CNTN3: variants seen among roughly 807,000 people sequenced by gnomAD.
CNTN3 encodes the protein contactin-3.
CNTN3 carries 60 observed loss-of-function variants against 119.1 expected under a neutral mutation model. The observed-to-expected ratio is 0.50, with a 90% CI of 0.41 to 0.62. The LOEUF is 0.62. Among genes scored for constraint, CNTN3 ranks in the 20% least tolerant of loss-of-function variants. The probability of loss-of-function intolerance (pLI) is 0.00; values close to 1 mark genes in which losing one functional copy is unlikely to be tolerated. For synonymous variants in CNTN3, 450 were observed against 438.7 expected (o/e 1.03, Z -0.32); for missense variants, 1,101 against 1,242.4 (o/e 0.89, Z 1.71).
At chr3:74,556,432 T>A (rs1353870706) in intron 1 of CNTN3, among the ~76,000 whole-genome samples, 1 of 152,212 alleles carries the variant, frequency 6.6e-6, no homozygotes. Context: ...CTTCTCTCAC[T>A]TAGCATAGTA....
intron 11 of CNTN3, among the ~76,000 whole-genome samples, chr3:74,341,457 T>A (rs2106725118): frequency 6.6e-6 from 1 of 152,316 alleles, no homozygotes; most frequent in Non-Finnish European, 1.5e-5. Flanking sequence ...GAAATTAACA[T>A]TCAGTGCTCC....
intron 3 of CNTN3, among the ~76,000 whole-genome samples, chr3:74,495,152 T>G (rs1344601349): frequency 5.3e-5 from 8 of 152,020 alleles, no homozygotes; most frequent in Non-Finnish European, 1.5e-5. Flanking sequence ...GAAGCCAGGA[T>G]GTGGAAAGGA....
intron 3 of CNTN3, among the ~76,000 whole-genome samples, chr3:74,491,935 G>A (rs1464439314): frequency 2.0e-5 from 3 of 152,106 alleles, no homozygotes; most frequent in African/African-American, 7.2e-5. Flanking sequence ...GCAGTGATCT[G>A]GAACAAAAGA....
chr3:74,284,948 T>C (rs1437022446), intron 20 of CNTN3, among the ~76,000 whole-genome samples: 1 of 152,202 alleles, frequency 6.6e-6, no homozygotes, highest in Non-Finnish European at 1.5e-5. Flanking sequence ...TCGGCATTAA[T>C]TTTAACTTAT....
chr3:74,344,397 G>GTTTTTTTTTT lies in CNTN3; in HGVS notation c.1365-7749_1365-7740dup, dbSNP rs1156579949. On this transcript the variant is annotated intron_variant, in intron 11 of 22. Transcript: ENST00000263665. ...AGTTCATTTACAACCTTACACAGTGGTTTTTTTTTTTTTTTTTTTTTTTTT... is the reference window on the plus strand; with the variant it reads ...AGTTCATTTACAACCTTACACAGTGGTTTTTTTTTTTTTTTTTTTTTTTTTTTTTTTTTTT... Among the ~76,000 whole-genome samples the GTTTTTTTTTT allele has an allele frequency of 7.7e-4, 25 of 32,616 alleles. 5 individuals are homozygous for GTTTTTTTTTT. The highest frequency in any genetic ancestry group is 2.3e-3 in the East Asian group (2 of 854). 21.4% of individuals were successfully genotyped at this position (32,616 alleles called of 152,430 possible).
intron 10 of CNTN3, 131 bp from the exon 11 acceptor site, chr3:74,362,171 T>A: frequency 1.1e-6 from 1 of 884,946 alleles, no homozygotes; most frequent in Non-Finnish European, 1.7e-6. Flanking sequence ...TTACTTGGCT[T>A]ATTGTGTGCC....
chr3:74,449,413 T>G, intron 4 of CNTN3, among the ~76,000 whole-genome samples: 1 of 150,424 alleles, frequency 6.6e-6, no homozygotes, highest in East Asian at 2.0e-4. Flanking sequence ...TCAAAAAAAA[T>G]GGCAATTGTT....
At chr3:74,572,871 C>T (rs4676979) in intron 1 of CNTN3, among the ~76,000 whole-genome samples, 122,318 of 152,214 alleles carry the variant, frequency 0.8, 49,292 homozygotes, top group African/African-American at 0.85. Context: ...GAAGGATGCA[C>T]GTTATCTAGA....
intron 4 of CNTN3, among the ~76,000 whole-genome samples, chr3:74,450,498 C>T (rs892915617): frequency 7.7e-5 from 6 of 77,548 alleles, no homozygotes; most frequent in African/African-American, 2.9e-4. Flanking sequence ...TTATCTGAAG[C>T]CCTGTTTTTT....
At chr3:74,538,179 A>G (rs1025305285) in intron 1 of CNTN3, among the ~76,000 whole-genome samples, 28 of 152,084 alleles carry the variant, frequency 1.8e-4, no homozygotes, top group African/African-American at 6.8e-4. Context: ...TGCATTTGAG[A>G]TCCCTAACAC....
chr3:74,552,965 A>T (rs1320659504), intron 1 of CNTN3, among the ~76,000 whole-genome samples: 1 of 152,066 alleles, frequency 6.6e-6, no homozygotes, highest in Non-Finnish European at 1.5e-5. Flanking sequence ...ACTTTAAGTT[A>T]TGAGTTACAT....
intron 4 of CNTN3, among the ~76,000 whole-genome samples, chr3:74,471,487 T>C (rs191962741): frequency 7.9e-5 from 12 of 152,308 alleles, no homozygotes; most frequent in African/African-American, 2.2e-4. Flanking sequence ...AGTTTTCTAT[T>C]CTCCTTGTTT....
chr3:74,432,660 T>G (rs917324417), intron 4 of CNTN3, among the ~76,000 whole-genome samples: 8 of 152,222 alleles, frequency 5.3e-5, no homozygotes, highest in South Asian at 2.1e-4. Context: ...GCAGAAGCAC[T>G]TAGAAGATCT....
intron 11 of CNTN3, among the ~76,000 whole-genome samples, chr3:74,354,854 G>C (rs918786486): frequency 1.3e-5 from 2 of 152,050 alleles, no homozygotes; most frequent in African/African-American, 2.4e-5. Flanking sequence ...CATTAAATGA[G>C]GCTGTAACAC....
At chr3:74,596,134 G>A (rs1248999084) in intron 1 of CNTN3, among the ~76,000 whole-genome samples, 4 of 152,102 alleles carry the variant, frequency 2.6e-5, no homozygotes, top group African/African-American at 4.8e-5. Context: ...TACAAGGGAC[G>A]TGAAGGACCT....
chr3:74,350,986 A>G (rs1703800101), intron 11 of CNTN3, among the ~76,000 whole-genome samples: 1 of 152,168 alleles, frequency 6.6e-6, no homozygotes, highest in East Asian at 1.9e-4. Flanking sequence ...TACCATGTTC[A>G]CTATATTTGG....
rs1704077591 is a variant in CNTN3 at position 74,361,747 on chromosome 3, A to C, written c.1364+143T>G. ...TACTCTTACAAAGGTATTAAAGAACAAAAATACTACTATTTTAGTTCTTAA... is the reference window on the plus strand; with the variant it reads ...TACTCTTACAAAGGTATTAAAGAACCAAAATACTACTATTTTAGTTCTTAA... On this transcript the variant is annotated intron_variant, in intron 11 of 22. Transcript: ENST00000263665. 3.7e-6 allele frequency: 3 copies of C among 818,050 alleles called. No homozygotes were observed. In the South Asian group the frequency reaches 8.6e-5, roughly 24 times the overall value. 50.7% of individuals were successfully genotyped at this position (818,050 alleles called of 1,614,324 possible).
chr3:74,290,220 A>C (rs916348310), intron 19 of CNTN3, among the ~76,000 whole-genome samples: 1 of 152,194 alleles, frequency 6.6e-6, no homozygotes, highest in Non-Finnish European at 1.5e-5. Context: ...CTACACACCT[A>C]TGTTAGATGG....
Position 74,267,461 on chromosome 3 carries a change from A to C in CNTN3, c.2705-83T>G. The C allele has an allele frequency of 3.3e-6, 3 of 906,436 alleles. No homozygotes were observed. The South Asian group carries it at 4.1e-5, about 12-fold the overall frequency. 56.1% of individuals were successfully genotyped at this position (906,436 alleles called of 1,614,324 possible). On this transcript the variant is annotated intron_variant, in intron 20 of 22. Coordinates refer to ENST00000263665, the MANE Select transcript of CNTN3 (RefSeq NM_020872.3). ...CGGAGGAGATGGCGGCTATCATAGG[A>C]AGCTAGTGGAAGTAGAACGGGATGC...
Sources: allele counts gnomAD v4.1 joint callset (sites outside exome capture counted in the v4.1 genomes callset), GRCh38; gene constraint gnomAD v4.1.1; transcripts MANE v1.5; gene names NCBI Gene and HGNC (gene_info 2026-07-23, HGNC 2026-07-21).